Variants in LRRFIP1 observed in about 807,000 individuals in gnomAD.
LRRFIP1 encodes LRR binding FLII interacting protein 1.
In LRRFIP1, 62 loss-of-function variants were observed where a neutral mutation model predicts 104.4. The observed-to-expected ratio is 0.59, with a 90% CI of 0.48 to 0.73. LRRFIP1 has a LOEUF of 0.73. Ranked by LOEUF, LRRFIP1 falls within the 30% of genes least tolerant of loss-of-function variation. The pLI is 0.00. For missense variants in LRRFIP1, 796 were observed against 824.5 expected, an observed-to-expected ratio of 0.97 and a Z score of 0.42; for synonymous variants, 300 against 299.0, an observed-to-expected ratio of 1.00 and a Z score of -0.03.
intron 8 of LRRFIP1, chr2:237,729,757 G>T: frequency 1.0e-6 from 1 of 982,568 alleles, no homozygotes; most frequent in South Asian, 4.7e-5. Context: ...TCACTTAAAC[G>T]TGTTTTCTTC....
In LRRFIP1 at chr2:237,748,355, C is replaced by A; in HGVS notation, c.634-9C>A. 1 of 1,601,654 alleles carries A rather than the reference C, an allele frequency of 6.2e-7. No individual in the cohort carries two copies. On this transcript the variant is annotated splice_polypyrimidine_tract_variant and intron_variant, in intron 11 of 23. Transcript: ENST00000308482. The stretch of plus-strand genomic sequence containing the variant: ...AAGTATTTAATATTTTGTCTGTTTT[C>A]GTCTACAGGTAGAAGAGAGACCAGA...
At chr2:237,632,255 G>T (rs192022432) in intron 1 of LRRFIP1, among the ~76,000 whole-genome samples, 1 of 152,344 alleles carries the variant, frequency 6.6e-6, no homozygotes, top group Non-Finnish European at 1.5e-5. Flanking sequence ...TGCCCCCAAG[G>T]CAGCCTGCAG....
intron 2 of LRRFIP1, among the ~76,000 whole-genome samples, chr2:237,710,608 A>G (rs879862505): frequency 4.6e-5 from 7 of 152,210 alleles, no homozygotes; most frequent in Admixed American, 4.6e-4. Flanking sequence ...TGATTTAAAT[A>G]TATACATATT....
intron 1 of LRRFIP1, among the ~76,000 whole-genome samples, chr2:237,633,573 C>T (rs2082694449): frequency 6.7e-6 from 1 of 148,844 alleles, no homozygotes; most frequent in Non-Finnish European, 1.5e-5. Flanking sequence ...GAGCCCTGCC[C>T]GTCCCCAGTG....
At chr2:237,629,556 C>G (rs1423467698) in intron 1 of LRRFIP1, among the ~76,000 whole-genome samples, 1 of 150,284 alleles carries the variant, frequency 6.7e-6, no homozygotes, top group African/African-American at 2.5e-5. Flanking sequence ...ACTGCAACCT[C>G]CACCTCCCAG....
In LRRFIP1 at chr2:237,739,349, C is replaced by T. The variant is rs1417382578; in HGVS notation, c.633+40C>T. ...TGGCCTTGCTCCTACTCAGTGTCAC[C>T]CTCCCTCCCCCTTCCCTTATCCTCC... On this transcript the variant is annotated intron_variant, in intron 11 of 23. Transcript: ENST00000308482. The T allele has an allele frequency of 3.4e-6, 5 of 1,491,858 alleles. No homozygotes were observed. In the Admixed American group the frequency reaches 5.9e-5, roughly 18 times the overall value. 92.4% of individuals were successfully genotyped at this position (1,491,858 alleles called of 1,614,324 possible).
Position 237,723,516 on chromosome 2 carries a change from GT to G in LRRFIP1, c.346-22del, listed in dbSNP as rs139854949. On this transcript the variant is annotated intron_variant, in intron 6 of 23. Transcript: ENST00000308482. The stretch of plus-strand genomic sequence containing the variant: ...ACTTTTGGCAACTCTCTTTGCTGTT[GT>G]TTTTTTTTTCTGCCATCTTTCTTCT... The G allele has an allele frequency of 9.0e-3, 12,411 of 1,384,182 alleles. 164 individuals carry two copies. The highest frequency in any genetic ancestry group is 0.067 in the African/African-American group (4,697 of 69,730). 85.7% of individuals were successfully genotyped at this position (1,384,182 alleles called of 1,614,324 possible). A position where few individuals can be genotyped will look rare whatever the true frequency, so the allele number is the denominator to read the frequency against.
intron 1 of LRRFIP1, among the ~76,000 whole-genome samples, chr2:237,628,174 G>A (rs1314613569): frequency 8.5e-5 from 13 of 152,178 alleles, no homozygotes; most frequent in Admixed American, 8.5e-4. Context: ...GAGGCCACAT[G>A]GCCCTGCTGA....
chr2:237,771,037 T>C (rs1288480885), intron 20 of LRRFIP1, among the ~76,000 whole-genome samples: 2 of 152,180 alleles, frequency 1.3e-5, no homozygotes, highest in African/African-American at 4.8e-5. Flanking sequence ...CTATCCTTAC[T>C]TCCTTAAAGC....
chr2:237,743,568 C>T lies in LRRFIP1; in HGVS notation c.633+4259C>T, dbSNP rs567239410. Among the ~76,000 whole-genome samples, 11 of 152,304 alleles carry T rather than the reference C, an allele frequency of 7.2e-5. No individual in the cohort carries two copies. The South Asian group carries it at 1.0e-3, about 14-fold the overall frequency. On this transcript the variant is annotated intron_variant, in intron 11 of 23. Transcript: ENST00000308482. ...AGCTGTGTTTTCTTCCTCTCCAGCA[C>T]GACCAGGATCTTCTCCTTGAGGAAG...
chr2:237,726,071 C>T (rs1309926956), intron 7 of LRRFIP1, among the ~76,000 whole-genome samples: 1 of 152,176 alleles, frequency 6.6e-6, no homozygotes, highest in Non-Finnish European at 1.5e-5. Flanking sequence ...CCTTGACATG[C>T]ATTTTCATGT....
rs1221975472 is a variant in LRRFIP1, at chr2:237,691,562, G to A, written c.97-16982G>A. Among the ~76,000 whole-genome samples, 1 of 152,250 alleles carries A rather than the reference G, an allele frequency of 6.6e-6. No individual in the cohort carries two copies. Among genetic ancestry groups the A allele is most frequent in the African/African-American group, 2.4e-5 (1 of 41,468 alleles). ...CTTCTCGGGATGCCGCGTTAGTGGG[G>A]TGCCCGGCCGGCAGGTGCAGCGGTG... On this transcript the variant is annotated intron_variant, in intron 1 of 23. Coordinates refer to ENST00000308482, the MANE Select transcript of LRRFIP1 (RefSeq NM_001137550.2). The surrounding 1 kb of genome is among the most constrained non-coding windows in gnomAD (Gnocchi z 5.4).
chr2:237,670,223 C>T (rs74001238), intron 1 of LRRFIP1, among the ~76,000 whole-genome samples: 1,560 of 152,314 alleles, frequency 0.01, 30 homozygotes, highest in African/African-American at 0.035. Flanking sequence ...AACAGGAGGT[C>T]GTCCTGCACC....
At chr2:237,710,596 A>C (rs930753640) in intron 2 of LRRFIP1, among the ~76,000 whole-genome samples, 4 of 152,152 alleles carry the variant, frequency 2.6e-5, no homozygotes, top group Admixed American at 6.6e-5. Flanking sequence ...CCATATTAGA[A>C]TTGATTTAAA....
intron 8 of LRRFIP1, among the ~76,000 whole-genome samples, chr2:237,730,640 A>G (rs3769083): frequency 0.31 from 46,512 of 152,106 alleles, 8,594 homozygotes; most frequent in African/African-American, 0.52. Flanking sequence ...AGGAAGGGCC[A>G]GGTGTGGTGG....
chr2:237,709,438 C>A (rs747507253), intron 2 of LRRFIP1, among the ~76,000 whole-genome samples: 17 of 152,038 alleles, frequency 1.1e-4, no homozygotes, highest in Admixed American at 9.8e-4. Flanking sequence ...TTTTGTTAGA[C>A]AGAAGTAACC....
At chr2:237,716,781 T>C (rs1465126206) in intron 3 of LRRFIP1, among the ~76,000 whole-genome samples, 1 of 152,218 alleles carries the variant, frequency 6.6e-6, no homozygotes, top group East Asian at 1.9e-4. Flanking sequence ...CCCCATTATT[T>C]GGGCCCATGA....
rs2094357622 is a variant in LRRFIP1 at position 237,717,004 on chromosome 2, G to A, written c.202-758G>A. 6.6e-6 allele frequency among the ~76,000 whole-genome samples: 1 copy of A among 151,592 alleles called. No individual in the cohort carries two copies. Among genetic ancestry groups the A allele is most frequent in the African/African-American group, 2.4e-5 (1 of 40,918 alleles). On this transcript the variant is annotated intron_variant, in intron 3 of 23. Transcript: ENST00000308482. The surrounding 1 kb of genome is among the most constrained non-coding windows in gnomAD (Gnocchi z 4.2). ...ATCGTAAACTCTTTTAAAACATTAT[G>A]AAATTTTTTTTGCAATTTTTTTTTT... is the stretch of plus-strand genomic sequence containing the variant.
At position 237,757,476 on chromosome 2, in the gene LRRFIP1, G is replaced by A; in HGVS notation, c.1152G>A (p.Gln384=). The change falls in exon 17 of 24, where the codon CAG becomes CAA. Residue 384 remains glutamine, a synonymous_variant. Transcript: ENST00000308482. ...CTCAGGAAATCCGACAGCTACAGCA[G>A]AAACAGGCGAGTTCTATCAGGGAGA... is the stretch of plus-strand genomic sequence containing the variant. The part of the protein sequence containing the change: ...EMLEEIRQLQ[Q]KQASSIREIS... 1 of 1,594,610 alleles carries A rather than the reference G, an allele frequency of 6.3e-7. No homozygotes were observed. The highest frequency in any genetic ancestry group is 8.5e-7 in the Non-Finnish European group (1 of 1,170,310).
Sources: allele counts gnomAD v4.1 joint callset (sites outside exome capture counted in the v4.1 genomes callset), GRCh38; gene constraint gnomAD v4.1.1; non-coding constraint Gnocchi (gnomAD v3.1); transcripts MANE v1.5; gene names NCBI Gene and HGNC (gene_info 2026-07-23, HGNC 2026-07-21).